The following CCDC171 variants were observed in gnomAD, a reference collection of about 807,000 sequenced individuals.
CCDC171 encodes the protein coiled-coil domain containing 171.
A neutral mutation model predicts 168.2 loss-of-function variants in CCDC171; 177 were observed. That is an observed-to-expected ratio of 1.05 (90% CI 0.93 to 1.19). The LOEUF is 1.19. Ranked by LOEUF, CCDC171 falls within the 50% of genes most tolerant of loss-of-function variation. The pLI is 0.00. For missense variants in CCDC171, 1,991 were observed against 1,539.0 expected, an observed-to-expected ratio of 1.29 and a Z score of -4.91; for synonymous variants, 687 against 540.8, an observed-to-expected ratio of 1.27 and a Z score of -3.75.
intron 25 of CCDC171, among the ~76,000 whole-genome samples, chr9:15,966,829 G>A (rs146138831): frequency 7.2e-5 from 11 of 152,152 alleles, no homozygotes; most frequent in African/African-American, 2.4e-4. Context: ...GTAGCTAAAA[G>A]TTAGAACTGG....
intron 23 of CCDC171, among the ~76,000 whole-genome samples, chr9:15,860,331 C>T (rs1232990125): frequency 1.3e-5 from 2 of 151,032 alleles, no homozygotes; most frequent in Non-Finnish European, 3.0e-5. Flanking sequence ...TTCTTCTTCT[C>T]GTTCGTTGAG....
chr9:15,873,235 G>C (rs768598216), intron 23 of CCDC171, among the ~76,000 whole-genome samples: 8 of 152,022 alleles, frequency 5.3e-5, no homozygotes, highest in Non-Finnish European at 8.8e-5. Context: ...AGTTTGTTTT[G>C]TGAAATGTGT....
At chr9:15,998,821 A>G (rs1459010223) in intron 3 of CCDC171, among the ~76,000 whole-genome samples, 1 of 152,194 alleles carries the variant, frequency 6.6e-6, no homozygotes, top group Non-Finnish European at 1.5e-5. Flanking sequence ...CTCTTTGAAA[A>G]TTTGAAGAGA....
At position 15,801,694 on chromosome 9, in the gene CCDC171, G is replaced by T. The variant is rs117877596; in HGVS notation, c.3267+17000G>T. ...AAAGTAGGCATCCTTGCCATATTCA[G>T]ATCTTAGAGGAAAGGGTTTCATTTT... On this transcript the variant is annotated intron_variant, in intron 21 of 25. Coordinates refer to ENST00000380701, the MANE Select transcript of CCDC171 (RefSeq NM_173550.4). Among the ~76,000 whole-genome samples the T allele has an allele frequency of 2.4e-4, 37 of 152,070 alleles. No homozygotes were observed. The East Asian group carries it at 7.1e-3, about 29-fold the overall frequency.
chr9:15,620,405 TG>T (rs1289554360), intron 6 of CCDC171, among the ~76,000 whole-genome samples: 2 of 151,858 alleles, frequency 1.3e-5, no homozygotes, highest in Non-Finnish European at 2.9e-5. Flanking sequence ...ACTTTGGGGG[TG>T]GGGGCAGGTT....
At chr9:15,906,778 C>T (rs10810471) in intron 24 of CCDC171, among the ~76,000 whole-genome samples, 18 of 151,836 alleles carry the variant, frequency 1.2e-4, no homozygotes, top group East Asian at 3.9e-4. Flanking sequence ...AAAACCCCAT[C>T]GTCTCAGCCC....
chr9:15,764,257 A>G (rs2056604996), intron 18 of CCDC171, among the ~76,000 whole-genome samples: 1 of 152,242 alleles, frequency 6.6e-6, no homozygotes, highest in Non-Finnish European at 1.5e-5. Flanking sequence ...AAGATGGGAT[A>G]CCATCGGAAA....
At chr9:15,645,198 TAACA>T (rs1445258321) in intron 7 of CCDC171, among the ~76,000 whole-genome samples, 3 of 152,154 alleles carry the variant, frequency 2.0e-5, no homozygotes, top group Non-Finnish European at 4.4e-5. Context: ...GAAGGAGAAC[TAACA>T]AACAGAAAGG....
chr9:16,100,906 C>A, the CCDC171 span, among the ~76,000 whole-genome samples: 1 of 152,160 alleles, frequency 6.6e-6, no homozygotes, highest in African/African-American at 2.4e-5. Context: ...CTCTCCGATT[C>A]CCTACCCCAT....
intron 21 of CCDC171, among the ~76,000 whole-genome samples, chr9:15,820,477 T>G (rs2059725206): frequency 2.6e-5 from 3 of 115,264 alleles, no homozygotes; most frequent in Admixed American, 2.5e-4. Context: ...AAGAATCAAA[T>G]AGATGCAATA....
intron 11 of CCDC171, among the ~76,000 whole-genome samples, chr9:15,717,173 C>G (rs1245018866): frequency 2.0e-5 from 3 of 152,152 alleles, no homozygotes; most frequent in African/African-American, 7.2e-5. Flanking sequence ...AATCTGTGCA[C>G]TTGGGGAAGG....
At chr9:15,744,821 G>A (rs777848653) in intron 17 of CCDC171, 44 bp downstream of exon 17, 21 of 1,562,522 alleles carry the variant, frequency 1.3e-5, no homozygotes, top group African/African-American at 9.6e-5. Context: ...GCATGTAAGC[G>A]AAATACAGTG....
At chr9:15,705,120 A>ACT (rs1554769381) in intron 11 of CCDC171, among the ~76,000 whole-genome samples, 2 of 149,790 alleles carry the variant, frequency 1.3e-5, no homozygotes, top group African/African-American at 4.9e-5. Flanking sequence ...ACACACACAC[A>ACT]CTCTCACTCA....
intron 8 of CCDC171, among the ~76,000 whole-genome samples, chr9:15,662,426 C>G (rs1366713103): frequency 6.6e-6 from 1 of 152,028 alleles, no homozygotes; most frequent in East Asian, 1.9e-4. Flanking sequence ...GTGAGTTTAT[C>G]TTTCTTAACT....
At chr9:15,925,478 A>G (rs1444111151) in intron 25 of CCDC171, among the ~76,000 whole-genome samples, 2 of 148,618 alleles carry the variant, frequency 1.3e-5, no homozygotes, top group Non-Finnish European at 3.0e-5. Flanking sequence ...CAGAGGTCAG[A>G]CTTTGTTCTT....
chr9:15,673,319 T>G (rs1587878013), intron 9 of CCDC171, among the ~76,000 whole-genome samples: 2 of 152,360 alleles, frequency 1.3e-5, no homozygotes, highest in South Asian at 4.1e-4. Flanking sequence ...TGACTTCCTC[T>G]TTTCCTAATT....
intron 9 of CCDC171, among the ~76,000 whole-genome samples, chr9:15,674,640 G>A (rs913620439): frequency 1.3e-5 from 2 of 152,154 alleles, no homozygotes; most frequent in Non-Finnish European, 1.5e-5. Context: ...TTAGGAGCAG[G>A]TTGTTCAGTT....
chr9:15,980,422 G>A (rs1024380372), intron 3 of CCDC171, among the ~76,000 whole-genome samples: 1 of 152,102 alleles, frequency 6.6e-6, no homozygotes. Context: ...TCAGAAAGGG[G>A]GTTCAGCAGA....
chr9:15,843,864 G>A (rs113943712), intron 21 of CCDC171, among the ~76,000 whole-genome samples: 1 of 152,074 alleles, frequency 6.6e-6, no homozygotes, highest in Non-Finnish European at 1.5e-5. Context: ...GGTGCTGCAG[G>A]TTCCCACTGC....
Sources: allele counts gnomAD v4.1 joint callset (sites outside exome capture counted in the v4.1 genomes callset), GRCh38; gene constraint gnomAD v4.1.1; transcripts MANE v1.5; gene names NCBI Gene and HGNC (gene_info 2026-07-23, HGNC 2026-07-21).